DNAAF4: variants seen among roughly 807,000 people sequenced by gnomAD.
DNAAF4 encodes the protein dynein axonemal assembly factor 4, also known as dynein assembly factor 4, axonemal.
DNAAF4 carries 43 observed loss-of-function variants against 51.8 expected under a neutral mutation model. The observed-to-expected ratio is 0.83, with a 90% confidence interval of 0.65 to 1.07. The LOEUF is 1.07. DNAAF4 is among the 50% of genes least tolerant of loss of function. DNAAF4 has a pLI of 0.00. For synonymous variants in DNAAF4, 194 were observed against 165.6 expected (o/e 1.17, Z -1.32); for missense variants, 581 against 493.0 (o/e 1.18, Z -1.69).
chr15:55,423,653 A>T (rs952797215), intron 7 of DNAAF4, among the ~76,000 whole-genome samples: 1 of 152,208 alleles, frequency 6.6e-6, no homozygotes, highest in Admixed American at 6.5e-5. Context: ...CTTAATATGG[A>T]CTAAAAAAGC....
At chr15:55,506,199 G>T (rs1191295390) in intron 1 of DNAAF4, among the ~76,000 whole-genome samples, 1 of 152,024 alleles carries the variant, frequency 6.6e-6, no homozygotes, top group Non-Finnish European at 1.5e-5. Flanking sequence ...TAAACAAAGA[G>T]AACATATAAA....
At chr15:55,496,237 C>T (rs2058639796) in intron 3 of DNAAF4, among the ~76,000 whole-genome samples, 1 of 152,030 alleles carries the variant, frequency 6.6e-6, no homozygotes, top group South Asian at 2.1e-4. Flanking sequence ...TCTTTCCAAA[C>T]AAACAAACAA....
intron 5 of DNAAF4, among the ~76,000 whole-genome samples, chr15:55,452,457 TA>T (rs1055595448): frequency 6.6e-6 from 1 of 151,918 alleles, no homozygotes; most frequent in African/African-American, 2.4e-5. Flanking sequence ...TATGTGTTTA[TA>T]AAAAATATTA....
chr15:55,437,513 CA>C (rs1422181485), intron 7 of DNAAF4, among the ~76,000 whole-genome samples: 1 of 151,722 alleles, frequency 6.6e-6, no homozygotes, highest in African/African-American at 2.4e-5. Flanking sequence ...CCCCGCCCCC[CA>C]AAAAAAGATG....
At chr15:55,426,396 CTT>C (rs1287200148), downstream of DNAAF4, among the ~76,000 whole-genome samples, 1 of 152,174 alleles carries the variant, frequency 6.6e-6, no homozygotes, top group Non-Finnish European at 1.5e-5. Flanking sequence ...TTGTTAACAT[CTT>C]TGTTTCCAAC....
chr15:55,441,534 G>A (rs2057713506), intron 6 of DNAAF4, among the ~76,000 whole-genome samples: 2 of 151,916 alleles, frequency 1.3e-5, no homozygotes, highest in East Asian at 3.9e-4. Flanking sequence ...ATTTACATTA[G>A]GTGTATCTCC....
chr15:55,506,897 C>A (rs1026875034), intron 1 of DNAAF4, among the ~76,000 whole-genome samples: 5 of 152,094 alleles, frequency 3.3e-5, no homozygotes, highest in African/African-American at 1.2e-4. Context: ...GTCACCCAGG[C>A]TGGAGTGCAA....
At chr15:55,480,182 A>G (rs1363713004) in intron 4 of DNAAF4, among the ~76,000 whole-genome samples, 11 of 152,098 alleles carry the variant, frequency 7.2e-5, no homozygotes, top group African/African-American at 2.7e-4. Context: ...TTTGAGGCTC[A>G]AGCAGGCATC....
chr15:55,453,833 A>T (rs1404665989), intron 5 of DNAAF4, among the ~76,000 whole-genome samples: 1 of 152,088 alleles, frequency 6.6e-6, no homozygotes. Flanking sequence ...TACAGGCATG[A>T]GCCACAGCGC....
rs2019181 is a variant in DNAAF4 at position 55,456,137 on chromosome 15, T to C, written c.638-5770A>G. ...TCTTGTTGCCCAGGCTGGAGTGCAATGGCAAGATCTCGCTTCACTGCAACC... is the reference window on the plus strand; with the variant it reads ...TCTTGTTGCCCAGGCTGGAGTGCAACGGCAAGATCTCGCTTCACTGCAACC... On this transcript the variant is annotated intron_variant, in intron 5 of 9. Coordinates refer to ENST00000321149, the MANE Select transcript of DNAAF4 (RefSeq NM_130810.4). Among the ~76,000 whole-genome samples the C allele has an allele frequency of 2.4e-3, 371 of 151,620 alleles. 1 individual carries two copies. The highest frequency in any genetic ancestry group is 8.2e-3 in the African/African-American group (341 of 41,338).
At chr15:55,434,804 G>A (rs2057581819) in intron 8 of DNAAF4, 101 bp downstream of exon 8, 6 of 985,208 alleles carry the variant, frequency 6.1e-6, no homozygotes, top group Non-Finnish European at 8.3e-6. Context: ...TAAAATCTTT[G>A]CATCTCAATT....
At chr15:55,467,401 G>A (rs2058186031) in intron 4 of DNAAF4, among the ~76,000 whole-genome samples, 3 of 152,092 alleles carry the variant, frequency 2.0e-5, no homozygotes, top group South Asian at 4.1e-4. Context: ...TAGCTGTATG[G>A]TCTTAGGCAA....
intron 7 of DNAAF4, among the ~76,000 whole-genome samples, chr15:55,425,106 C>T (rs1158389252): frequency 6.6e-6 from 1 of 152,134 alleles, no homozygotes; most frequent in Non-Finnish European, 1.5e-5. Flanking sequence ...CTCAGTTGAT[C>T]CGCCCACCTC....
intron 5 of DNAAF4, among the ~76,000 whole-genome samples, chr15:55,458,795 C>G (rs2058054766): frequency 6.6e-6 from 1 of 152,096 alleles, no homozygotes; most frequent in Non-Finnish European, 1.5e-5. Flanking sequence ...GAGGCAAGGT[C>G]AGGCACAGTG....
chr15:55,435,119 ATATC>A, intron 7 of DNAAF4, 61 bp from the exon 8 acceptor site: 1 of 1,514,512 alleles, frequency 6.6e-7, no homozygotes, highest in Non-Finnish European at 8.9e-7. Context: ...CACAGAAATA[ATATC>A]TAATTGTATT....
chr15:55,433,548 C>T (rs1275548399), intron 8 of DNAAF4, among the ~76,000 whole-genome samples: 2 of 146,852 alleles, frequency 1.4e-5, no homozygotes, highest in African/African-American at 5.2e-5. Flanking sequence ...ATGGCGTGAA[C>T]CGGGGAGGCG....
At chr15:55,503,938 G>C (rs187294574) in intron 1 of DNAAF4, among the ~76,000 whole-genome samples, 145 of 152,294 alleles carry the variant, frequency 9.5e-4, no homozygotes, top group African/African-American at 3.4e-3. Context: ...AATCAGGCAA[G>C]AGAAAGCAAT....
Position 55,494,071 on chromosome 15 carries a change from C to A in DNAAF4, c.272-2815G>T, listed in dbSNP as rs571876862. ...TGAGACTGAGTTTCGCTCTTGTTGC[C>A]CAGGCTGAAGTGCAATGGCACAATC... is the stretch of plus-strand genomic sequence containing the variant. On this transcript the variant is annotated intron_variant, in intron 3 of 9. Coordinates refer to ENST00000321149, the MANE Select transcript of DNAAF4 (RefSeq NM_130810.4). 4.0e-5 allele frequency among the ~76,000 whole-genome samples: 6 copies of A among 151,420 alleles called. No individual in the cohort carries two copies. The South Asian group carries it at 1.0e-3, about 26-fold the overall frequency.
At chr15:55,486,531 T>C (rs1385517517) in intron 4 of DNAAF4, among the ~76,000 whole-genome samples, 1 of 152,124 alleles carries the variant, frequency 6.6e-6, no homozygotes, top group East Asian at 1.9e-4. Context: ...AAAATTCCTT[T>C]AATTATCTGT....
Sources: gnomAD v4.1 joint callset for allele counts (sites outside exome capture counted in the v4.1 genomes callset) on GRCh38, gnomAD v4.1.1 for gene constraint, MANE v1.5 for transcripts, NCBI Gene and HGNC (gene_info 2026-07-23, HGNC 2026-07-21) for gene names.